Variants in RGS6 observed in about 807,000 individuals in gnomAD.
RGS6 encodes the protein regulator of G protein signaling 6.
RGS6 carries 30 observed loss-of-function variants against 78.5 expected under a neutral mutation model. The observed-to-expected ratio is 0.38, with a 90% confidence interval of 0.29 to 0.52. RGS6 has a LOEUF of 0.52. Among genes scored for constraint, RGS6 ranks in the 20% least tolerant of loss-of-function variants. The pLI is 0.85. For synonymous variants in RGS6, 206 were observed against 206.0 expected (o/e 1.00, Z 0.00); for missense variants, 495 against 609.7 (o/e 0.81, Z 1.98).
chr14:71,904,861 T>C, the RGS6 span, among the ~76,000 whole-genome samples: 1 of 86,212 alleles, frequency 1.2e-5, no homozygotes, highest in African/African-American at 3.0e-5. Context: ...ACCCCTGGGC[T>C]TTTAACAACG....
At chr14:72,218,400 A>G (rs1183417319) in intron 2 of RGS6, among the ~76,000 whole-genome samples, 2 of 152,032 alleles carry the variant, frequency 1.3e-5, no homozygotes, top group Non-Finnish European at 2.9e-5. Flanking sequence ...CAATATATTA[A>G]TATTGAATTA....
At chr14:72,520,202 T>G (rs568464812) in intron 15 of RGS6, among the ~76,000 whole-genome samples, 2 of 152,228 alleles carry the variant, frequency 1.3e-5, no homozygotes, top group African/African-American at 4.8e-5. Flanking sequence ...ATATCCTTTA[T>G]CTCCCTCCCT....
chr14:71,992,056 A>T (rs551994701), intron 2 of RGS6, among the ~76,000 whole-genome samples: 144 of 146,102 alleles, frequency 9.9e-4, no homozygotes, highest in African/African-American at 3.4e-3. Flanking sequence ...AGTGAGACAG[A>T]GTCTTACTCT....
At chr14:72,019,747 T>G (rs1015950282) in intron 2 of RGS6, among the ~76,000 whole-genome samples, 11 of 152,154 alleles carry the variant, frequency 7.2e-5, no homozygotes, top group African/African-American at 2.7e-4. Context: ...TCATTCTGTT[T>G]TTTTGATTAG....
chr14:72,191,580 C>T (rs1166758111), intron 2 of RGS6, among the ~76,000 whole-genome samples: 1 of 152,194 alleles, frequency 6.6e-6, no homozygotes, highest in African/African-American at 2.4e-5. Context: ...AGGGGAACTG[C>T]TCTTTATAAA....
intron 16 of RGS6, chr14:72,537,638 A>G (rs1470003595): frequency 8.9e-6 from 6 of 675,594 alleles, no homozygotes; most frequent in African/African-American, 3.6e-5. Flanking sequence ...TCTAATGCCC[A>G]TTTTTTCTAA....
At chr14:72,446,443 C>A (rs1384614243) in intron 3 of RGS6, among the ~76,000 whole-genome samples, 1 of 152,128 alleles carries the variant, frequency 6.6e-6, no homozygotes, top group Non-Finnish European at 1.5e-5. Flanking sequence ...GGACCTTGAG[C>A]CAGTCTGGAG....
intron 15 of RGS6, among the ~76,000 whole-genome samples, 193 bp downstream of exon 15, chr14:72,518,730 T>G (rs1365741426): frequency 6.6e-6 from 1 of 152,244 alleles, no homozygotes; most frequent in Non-Finnish European, 1.5e-5. Context: ...ATGGGTTATG[T>G]ATTACATAGA....
chr14:72,179,457 A>T (rs1160799204), intron 2 of RGS6, among the ~76,000 whole-genome samples: 1 of 152,190 alleles, frequency 6.6e-6, no homozygotes, highest in Non-Finnish European at 1.5e-5. Context: ...GATATTCCCA[A>T]CAGGTGTGGG....
At chr14:72,175,090 G>T (rs2097087845) in intron 2 of RGS6, among the ~76,000 whole-genome samples, 1 of 152,196 alleles carries the variant, frequency 6.6e-6, no homozygotes, top group African/African-American at 2.4e-5. Flanking sequence ...GCAATGGCCA[G>T]TTATCTTGCA....
At chr14:72,277,409 A>C (rs1167434660) in intron 2 of RGS6, among the ~76,000 whole-genome samples, 1 of 151,690 alleles carries the variant, frequency 6.6e-6, no homozygotes, top group Non-Finnish European at 1.5e-5. Context: ...CATCCTGGCC[A>C]ACATGGTGAA....
intron 2 of RGS6, among the ~76,000 whole-genome samples, chr14:72,057,562 A>G (rs1451637080): frequency 6.6e-6 from 1 of 152,088 alleles, no homozygotes; most frequent in African/African-American, 2.4e-5. Flanking sequence ...TGCGTTTCCC[A>G]TGATGATACT....
At chr14:72,046,406 C>G (rs2092839880) in intron 2 of RGS6, among the ~76,000 whole-genome samples, 1 of 152,154 alleles carries the variant, frequency 6.6e-6, no homozygotes, top group South Asian at 2.1e-4. Flanking sequence ...TATACAACAT[C>G]TACATGGCTT....
intron 2 of RGS6, among the ~76,000 whole-genome samples, chr14:72,123,088 T>A (rs571458939): frequency 6.6e-6 from 1 of 152,264 alleles, no homozygotes; most frequent in South Asian, 2.1e-4. Flanking sequence ...TGCCTCAGCC[T>A]CCCAGGTAGC....
intron 10 of RGS6, among the ~76,000 whole-genome samples, chr14:72,476,302 T>C (rs893794358): frequency 6.6e-6 from 1 of 152,206 alleles, no homozygotes; most frequent in Non-Finnish European, 1.5e-5. Flanking sequence ...TGCATACTCT[T>C]TGGCAGTGGC....
At chr14:72,356,708 G>T (rs1424020146) in intron 3 of RGS6, among the ~76,000 whole-genome samples, 1 of 152,010 alleles carries the variant, frequency 6.6e-6, no homozygotes, top group Non-Finnish European at 1.5e-5. Flanking sequence ...GATGGTGAGT[G>T]AGTTCTAATG....
At chr14:71,911,857 C>T in the RGS6 span, among the ~76,000 whole-genome samples, 18 of 152,182 alleles carry the variant, frequency 1.2e-4, no homozygotes, top group African/African-American at 4.3e-4. Context: ...TAATGCTGAA[C>T]AGGTCGGCTA....
At position 72,506,984 on chromosome 14, in the gene RGS6, T is replaced by TAAAAAAAAAAA. The variant is rs71109738; in HGVS notation, c.966-3145_966-3135dup. Among the ~76,000 whole-genome samples the TAAAAAAAAAAA allele has an allele frequency of 6.1e-4, 33 of 54,392 alleles. 4 individuals carry two copies. Among genetic ancestry groups the TAAAAAAAAAAA allele is most frequent in the East Asian group, 5.6e-3 (5 of 900 alleles). 35.7% of individuals were successfully genotyped at this position (54,392 alleles called of 152,430 possible). A position where few individuals can be genotyped will look rare whatever the true frequency, so the allele number is the denominator to read the frequency against. ...TAACACGGTGAAACCCTGTCTCTACTAAAAAAAAAAAAAAAAAAAAAAAAA... is the reference window on the plus strand; with the variant it reads ...TAACACGGTGAAACCCTGTCTCTACTAAAAAAAAAAAAAAAAAAAAAAAAAAAAAAAAAAAA... On this transcript the variant is annotated intron_variant, in intron 13 of 17. Coordinates refer to ENST00000553525, the MANE Select transcript of RGS6 (RefSeq NM_001204424.2).
rs2093377421 is a variant in RGS6, at chr14:71,964,180, A to C, written c.-20-592A>C. On this transcript the variant is annotated intron_variant, in intron 1 of 17. Coordinates refer to ENST00000553525, the MANE Select transcript of RGS6 (RefSeq NM_001204424.2). ...TTGGCAAGGTGAACTCAACAGCAAA[A>C]TGATTGGCTTCAACTGTCTTCAGGA... 2.6e-5 allele frequency among the ~76,000 whole-genome samples: 4 copies of C among 152,342 alleles called. No homozygotes were observed. In the South Asian group the frequency reaches 8.3e-4, roughly 32 times the overall value.
Sources: gnomAD v4.1 joint callset for allele counts (sites outside exome capture counted in the v4.1 genomes callset) on GRCh38, gnomAD v4.1.1 for gene constraint, MANE v1.5 for transcripts, NCBI Gene and HGNC (gene_info 2026-07-23, HGNC 2026-07-21) for gene names.